Variants in ASH1L observed in about 807,000 individuals in gnomAD.
The protein encoded by ASH1L is ASH1 like histone lysine methyltransferase, also known as histone-lysine N-methyltransferase ASH1L.
Under a neutral mutation model 269.0 loss-of-function variants are expected in ASH1L, and 23 were observed. The observed-to-expected ratio is 0.09, with a 90% CI of 0.06 to 0.12. The LOEUF (loss-of-function observed/expected upper bound fraction) is 0.12, where lower values mean the gene tolerates loss of function less well. Ranked by LOEUF, ASH1L falls within the 10% of genes least tolerant of loss-of-function variation. The pLI is 1.00. For synonymous variants in ASH1L, 1,187 were observed against 1,253.5 expected, an observed-to-expected ratio of 0.95 and a Z score of 1.12; for missense variants, 2,912 against 3,567.8, an observed-to-expected ratio of 0.82 and a Z score of 4.68.
intron 4 of ASH1L, among the ~76,000 whole-genome samples, chr1:155,440,954 A>G (rs1487911283): frequency 6.6e-6 from 1 of 152,178 alleles, no homozygotes; most frequent in Non-Finnish European, 1.5e-5. Context: ...GACGTTGGTT[A>G]TCTAAGCTCA....
Position 155,395,354 on chromosome 1 carries a change from C to A in ASH1L, c.6103+105G>T, listed in dbSNP as rs1658257185. Reference sequence around the variant, plus strand: ...TAAAATGGTAAAGAAAGAGCTTGATCCCACTGGAGAAATAGAAATAATAAC... The same window carrying A: ...TAAAATGGTAAAGAAAGAGCTTGATACCACTGGAGAAATAGAAATAATAAC... On this transcript the variant is annotated intron_variant, in intron 7 of 27. Coordinates refer to ENST00000392403, the MANE Select transcript of ASH1L (RefSeq NM_018489.3). 7.5e-6 allele frequency: 6 copies of A among 799,382 alleles called. No homozygotes were observed. In the Admixed American group the frequency reaches 1.4e-4, roughly 18 times the overall value. The allele number at this position is 799,382 out of a possible 1,614,324, so 49.5% of individuals were successfully genotyped here. A position where few individuals can be genotyped will look rare whatever the true frequency, so the allele number is the denominator to read the frequency against.
chr1:155,490,881 G>C (rs1666727288), intron 2 of ASH1L, among the ~76,000 whole-genome samples: 2 of 145,598 alleles, frequency 1.4e-5, no homozygotes, highest in South Asian at 4.4e-4. Flanking sequence ...AGAATGGCTT[G>C]AGCCAGGAGG....
At chr1:155,533,325 C>G (rs1183880213) in intron 1 of ASH1L, among the ~76,000 whole-genome samples, 1 of 151,910 alleles carries the variant, frequency 6.6e-6, no homozygotes, top group African/African-American at 2.4e-5. Context: ...ATTATTATTC[C>G]CTTTTTAGAC....
chr1:155,509,378 A>G (rs1204005496), intron 2 of ASH1L, among the ~76,000 whole-genome samples: 1 of 152,196 alleles, frequency 6.6e-6, no homozygotes, highest in Non-Finnish European at 1.5e-5. Flanking sequence ...AACAAACAAA[A>G]AATGTAAATA....
chr1:155,555,268 G>A (rs559139174), intron 1 of ASH1L, among the ~76,000 whole-genome samples: 73 of 151,532 alleles, frequency 4.8e-4, no homozygotes, highest in Admixed American at 4.1e-3. Context: ...AGGCCGATGC[G>A]GGCTGATCAC....
At chr1:155,539,493 G>A (rs1418471729) in intron 1 of ASH1L, among the ~76,000 whole-genome samples, 2 of 151,726 alleles carry the variant, frequency 1.3e-5, no homozygotes, top group East Asian at 3.9e-4. Flanking sequence ...ATCTTGCTCT[G>A]TCACCCAGGC....
At chr1:155,540,983 T>C (rs1009259614) in intron 1 of ASH1L, among the ~76,000 whole-genome samples, 1 of 150,662 alleles carries the variant, frequency 6.6e-6, no homozygotes, top group Non-Finnish European at 1.5e-5. Flanking sequence ...CGGGGAGACA[T>C]TTCCTATTCC....
At chr1:155,461,807 T>G (rs954634668) in intron 3 of ASH1L, among the ~76,000 whole-genome samples, 3 of 150,570 alleles carry the variant, frequency 2.0e-5, no homozygotes, top group Admixed American at 6.6e-5. Context: ...TGAGGGTTTT[T>G]TTTTTTTTTT....
chr1:155,431,445 A>T (rs1328142919), intron 5 of ASH1L, among the ~76,000 whole-genome samples: 1 of 151,866 alleles, frequency 6.6e-6, no homozygotes, highest in African/African-American at 2.4e-5. Flanking sequence ...ACGAGCCACC[A>T]CGCTCATTTA....
At chr1:155,408,439 C>G (rs1659493539) in intron 6 of ASH1L, among the ~76,000 whole-genome samples, 1 of 152,102 alleles carries the variant, frequency 6.6e-6, no homozygotes, top group South Asian at 2.1e-4. Context: ...CAGATTTTGA[C>G]TTCTAAATAA....
chr1:155,478,276 CCTTATG>C lies in ASH1L; in HGVS notation c.4588_4593del (p.His1530_Lys1531del), dbSNP rs774849386. ...CAGGACATGTGACAACGGTGCTTTT[CCTTATG>C]CTTATATCGCTCTCCAACAGCATCC... On this transcript the variant is annotated inframe_deletion, in exon 3 of 28. Transcript: ENST00000392403. This position sits in a 1 kb window ranked among gnomAD's most constrained non-coding sequence, Gnocchi z 4.6. 1.9e-6 allele frequency: 3 copies of C among 1,614,076 alleles called. No individual in the cohort carries two copies. The highest frequency in any genetic ancestry group is 2.2e-5 in the South Asian group (2 of 91,072).
Position 155,433,368 on chromosome 1 carries a change from G to A in ASH1L, c.5828+4959C>T, listed in dbSNP as rs765879173. ...TCTGAGGTGTGGGGGATTCCCCCAT[G>A]CCCCCCGCTGTATGAGTTCTGTGGG... On this transcript the variant is annotated intron_variant, in intron 5 of 27. Transcript: ENST00000392403. The A allele has an allele frequency of 4.4e-6, 7 of 1,595,176 alleles. No individual in the cohort carries two copies. In the South Asian group the frequency reaches 6.8e-5, roughly 16 times the overall value.
chr1:155,349,593 G>C lies in ASH1L; in HGVS notation c.7370C>G (p.Ser2457Cys), dbSNP rs752016721. The C allele has an allele frequency of 1.9e-6, 3 of 1,612,090 alleles. No homozygotes were observed. The highest frequency in any genetic ancestry group is 1.3e-5 in the African/African-American group (1 of 74,644). Reference protein sequence around the residue: ...ICDGIISYKDSSRQALAAPLL... With the variant: ...ICDGIISYKDCSRQALAAPLL... Reference sequence around the variant, plus strand: ...TGGAGCTGCCAGTGCTTGCCGGGAAGAATCTGCAAAAGAATGTGAGGTTTA... The same window carrying C: ...TGGAGCTGCCAGTGCTTGCCGGGAACAATCTGCAAAAGAATGTGAGGTTTA... The change falls in exon 18 of 28, where the codon TCT (serine) becomes TGT (cysteine). Residue 2457 changes from serine to cysteine, a missense_variant. Physicochemically the swap from Ser to Cys is moderately radical, Grantham distance 112. Coordinates refer to ENST00000392403, the MANE Select transcript of ASH1L (RefSeq NM_018489.3).
chr1:155,396,591 G>A (rs928433778), intron 6 of ASH1L, among the ~76,000 whole-genome samples: 3 of 151,958 alleles, frequency 2.0e-5, no homozygotes, highest in Non-Finnish European at 2.9e-5. Context: ...GATTACAGGC[G>A]TGAGCAACTG....
intron 2 of ASH1L, among the ~76,000 whole-genome samples, chr1:155,499,429 C>T (rs531144127): frequency 1.2e-4 from 18 of 152,216 alleles, no homozygotes; most frequent in Non-Finnish European, 2.2e-4. Flanking sequence ...TAACTAGTTA[C>T]GAAAGAGGTA....
In ASH1L at chr1:155,438,315, A is replaced by G; in HGVS notation, c.5828+12T>C. The G allele has an allele frequency of 6.5e-7, 1 of 1,531,306 alleles. No homozygotes were observed. The highest frequency in any genetic ancestry group is 2.3e-5 in the East Asian group (1 of 44,294). 94.9% of individuals were successfully genotyped at this position (1,531,306 alleles called of 1,614,324 possible). On this transcript the variant is annotated intron_variant, in intron 5 of 27. Transcript: ENST00000392403. ...TTCCTCTACTCAGATAATATGTTAAATGAGGAATTACCTTTTATTATTCTC... is the reference window on the plus strand; with the variant it reads ...TTCCTCTACTCAGATAATATGTTAAGTGAGGAATTACCTTTTATTATTCTC...
chr1:155,492,743 GT>G (rs58775424), intron 2 of ASH1L, among the ~76,000 whole-genome samples: 5,096 of 144,412 alleles, frequency 0.035, 103 homozygotes, highest in Middle Eastern at 0.057. Flanking sequence ...AAACAAGTAG[GT>G]TTTTTTTTTT....
chr1:155,427,116 T>A (rs1284689310), intron 5 of ASH1L, among the ~76,000 whole-genome samples: 3 of 150,138 alleles, frequency 2.0e-5, no homozygotes, highest in Non-Finnish European at 4.4e-5. Context: ...CCTTTCCAGG[T>A]ATATACTCTG....
At chr1:155,445,397 C>T (rs905488621) in intron 4 of ASH1L, among the ~76,000 whole-genome samples, 8 of 152,102 alleles carry the variant, frequency 5.3e-5, no homozygotes, top group African/African-American at 1.9e-4. Flanking sequence ...GTTGGCCAGG[C>T]TGGTCTCGAA....
Sources: gnomAD v4.1 joint callset for allele counts (sites outside exome capture counted in the v4.1 genomes callset) on GRCh38, gnomAD v4.1.1 for gene constraint, Gnocchi (gnomAD v3.1) non-coding constraint, MANE v1.5 for transcripts, NCBI Gene and HGNC (gene_info 2026-07-23, HGNC 2026-07-21) for gene names.